KCNQ1: variants seen among roughly 807,000 people sequenced by gnomAD.
KCNQ1 encodes potassium voltage-gated channel subfamily KQT member 1.
KCNQ1 carries 49 observed loss-of-function variants against 72.4 expected under a neutral mutation model. The ratio of observed to expected loss-of-function variants is 0.68; its 90% CI spans 0.54 to 0.86. The LOEUF is 0.86. Among genes scored for constraint, KCNQ1 ranks in the 40% least tolerant of loss-of-function variants. KCNQ1 has a pLI of 0.00. For missense variants in KCNQ1, 790 were observed against 945.1 expected, an observed-to-expected ratio of 0.84 and a Z score of 2.15; for synonymous variants, 450 against 412.6, an observed-to-expected ratio of 1.09 and a Z score of -1.10.
In KCNQ1 at chr11:2,781,486, G is replaced by A. The variant is rs879068764; in HGVS notation, c.1794+3449G>A. On this transcript the variant is annotated intron_variant, in intron 15 of 15. Coordinates refer to ENST00000155840, the MANE Select transcript of KCNQ1 (RefSeq NM_000218.3). The surrounding 1 kb of genome is among the most constrained non-coding windows in gnomAD (Gnocchi z 6.6). ...GGGCCAGGGACCAATGCAGGCGGTC[G>A]GGAGAGGTCCGGAGAGAGCTGGCCC... is the stretch of plus-strand genomic sequence containing the variant. Among the ~76,000 whole-genome samples, 1 of 152,210 alleles carries A rather than the reference G, an allele frequency of 6.6e-6. No individual in the cohort carries two copies. Among genetic ancestry groups the A allele is most frequent in the South Asian group, 2.1e-4 (1 of 4,834 alleles).
Position 2,478,032 on chromosome 11 carries a change from C to T in KCNQ1, c.386+32548C>T, listed in dbSNP as rs553090599. On this transcript the variant is annotated intron_variant, in intron 1 of 15. Transcript: ENST00000155840. This position sits in a 1 kb window ranked among gnomAD's most constrained non-coding sequence, Gnocchi z 4.0. ...CTTTCTAGAGGCAAAGCTGGCGACA[C>T]CACCCGAGCCAAGTGATCCAAGTTA... is the stretch of plus-strand genomic sequence containing the variant. Among the ~76,000 whole-genome samples the T allele has an allele frequency of 3.3e-5, 5 of 152,294 alleles. No individual in the cohort carries two copies. Among genetic ancestry groups the T allele is most frequent in the African/African-American group, 9.6e-5 (4 of 41,558 alleles).
chr11:2,616,599 T>A (rs1054800045), intron 10 of KCNQ1: 1 of 398,182 alleles, frequency 2.5e-6, no homozygotes, highest in Non-Finnish European at 4.4e-6. Flanking sequence ...CATTTTCACT[T>A]TTTGAAAGTA....
At chr11:2,821,136 G>C (rs1474326297) in intron 15 of KCNQ1, among the ~76,000 whole-genome samples, 1 of 152,218 alleles carries the variant, frequency 6.6e-6, no homozygotes, top group East Asian at 1.9e-4. Flanking sequence ...GGGTGGGGTG[G>C]GTCTGTCAAG....
In KCNQ1 at chr11:2,563,156, C is replaced by G. The variant is rs1848198568; in HGVS notation, c.478-7472C>G. ...AGGGTCCTAAATTATGTGGTTCCAG[C>G]AGCATGGAACTTCAAAACACATTGA... is the stretch of plus-strand genomic sequence containing the variant. On this transcript the variant is annotated intron_variant, in intron 2 of 15. Coordinates refer to ENST00000155840, the MANE Select transcript of KCNQ1 (RefSeq NM_000218.3). The surrounding 1 kb of genome is among the most constrained non-coding windows in gnomAD (Gnocchi z 7.4). Among the ~76,000 whole-genome samples the G allele has an allele frequency of 6.6e-6, 1 of 152,174 alleles. No individual in the cohort carries two copies. The highest frequency in any genetic ancestry group is 1.5e-5 in the Non-Finnish European group (1 of 68,038).
At chr11:2,461,748 G>T (rs879658377) in intron 1 of KCNQ1, 2 of 1,363,200 alleles carry the variant, frequency 1.5e-6, no homozygotes, top group Non-Finnish European at 2.0e-6. Context: ...ATAGGCAGAG[G>T]AAGGGATGGG....
rs867168521 is a variant in KCNQ1 at position 2,669,158 on chromosome 11, T to C, written c.1514+7077T>C. On this transcript the variant is annotated intron_variant, in intron 11 of 15. Transcript: ENST00000155840. This position sits in a 1 kb window ranked among gnomAD's most constrained non-coding sequence, Gnocchi z 5.6. The stretch of plus-strand genomic sequence containing the variant: ...TTGGGTGCCACTGGTCAGATTCAAG[T>C]TGTTCTTTGTGGCCAGGACCTTGCT... The C allele has an allele frequency of 9.0e-5, 36 of 398,670 alleles. No homozygotes were observed. In the Middle Eastern group the frequency reaches 1.9e-3, roughly 21 times the overall value. 24.7% of individuals were successfully genotyped at this position (398,670 alleles called of 1,614,324 possible).
chr11:2,499,699 A>G (rs948822320), intron 1 of KCNQ1, among the ~76,000 whole-genome samples: 3 of 152,218 alleles, frequency 2.0e-5, no homozygotes, highest in African/African-American at 7.2e-5. Context: ...GTTCAAGATA[A>G]TAACTATAAG....
rs1431403179 is a variant in KCNQ1 at position 2,515,175 on chromosome 11, C to T, written c.387-12753C>T. Among the ~76,000 whole-genome samples, 7 of 152,186 alleles carry T rather than the reference C, an allele frequency of 4.6e-5. No homozygotes were observed. Among genetic ancestry groups the T allele is most frequent in the Non-Finnish European group, 8.8e-5 (6 of 68,030 alleles). On this transcript the variant is annotated intron_variant, in intron 1 of 15. Transcript: ENST00000155840. This position sits in a 1 kb window ranked among gnomAD's most constrained non-coding sequence, Gnocchi z 4.7. ...TAATTTTTCAACCCTCCCCCTCTCA[C>T]CCTCTCCACCTCCCCTTTGGAGTCC...
intron 11 of KCNQ1, among the ~76,000 whole-genome samples, chr11:2,760,284 C>T (rs1846370330): frequency 1.3e-5 from 2 of 151,532 alleles, no homozygotes; most frequent in Non-Finnish European, 2.9e-5. Context: ...GGCAGGCGGG[C>T]AGGCGGGCGT....
rs1434083287 is a variant in KCNQ1 at position 2,682,577 on chromosome 11, G to A, written c.1514+20496G>A. 1.5e-5 allele frequency: 6 copies of A among 398,448 alleles called. No homozygotes were observed. Among genetic ancestry groups the A allele is most frequent in the Non-Finnish European group, 2.2e-5 (5 of 226,078 alleles). 24.7% of individuals were successfully genotyped at this position (398,448 alleles called of 1,614,324 possible). A position where few individuals can be genotyped will look rare whatever the true frequency, so the allele number is the denominator to read the frequency against. ...TCCATAAGGCTATGCTGGGGTTCAG[G>A]CAACCCAAGGCTGGTCTGGAGAGTG... On this transcript the variant is annotated intron_variant, in intron 11 of 15. Transcript: ENST00000155840. This position sits in a 1 kb window ranked among gnomAD's most constrained non-coding sequence, Gnocchi z 5.8.
chr11:2,476,790 G>A (rs959676712), intron 1 of KCNQ1, among the ~76,000 whole-genome samples: 5 of 152,100 alleles, frequency 3.3e-5, no homozygotes, highest in Admixed American at 6.6e-5. Context: ...GGGTTCAAGC[G>A]CTCCTCCCCC....
chr11:2,777,920 G>T (rs980737220), intron 14 of KCNQ1, 56 bp from the exon 15 acceptor site: 1 of 1,553,244 alleles, frequency 6.4e-7, no homozygotes, highest in African/African-American at 1.4e-5. Context: ...AGCCCAGCTG[G>T]GGTCCCCGGC....
chr11:2,665,078 G>A (rs145355801), intron 11 of KCNQ1: 6 of 398,468 alleles, frequency 1.5e-5, no homozygotes, highest in Admixed American at 4.4e-5. Context: ...GCTGAGGCAC[G>A]GGGTACCCAG....
At chr11:2,625,240 G>C (rs1001278029) in intron 10 of KCNQ1, 4 of 398,478 alleles carry the variant, frequency 1.0e-5, no homozygotes, top group Non-Finnish European at 1.8e-5. Context: ...TCCAGCAGTG[G>C]TTATTTTCTG....
rs1378723999 is a variant in KCNQ1 at position 2,544,068 on chromosome 11, T to C, written c.477+16050T>C. Among the ~76,000 whole-genome samples the C allele has an allele frequency of 6.6e-6, 1 of 152,102 alleles. No individual in the cohort carries two copies. Among genetic ancestry groups the C allele is most frequent in the Non-Finnish European group, 1.5e-5 (1 of 68,022 alleles). Reference sequence around the variant, plus strand: ...TTCAAGTTGTGTTGGTTGTTCGGGGTCCTTTGCATTTACATATAAATTTTG... The same window carrying C: ...TTCAAGTTGTGTTGGTTGTTCGGGGCCCTTTGCATTTACATATAAATTTTG... On this transcript the variant is annotated intron_variant, in intron 2 of 15. Transcript: ENST00000155840. The surrounding 1 kb of genome is among the most constrained non-coding windows in gnomAD (Gnocchi z 4.4).
chr11:2,525,336 G>A (rs1422797490), intron 1 of KCNQ1, among the ~76,000 whole-genome samples: 1 of 152,236 alleles, frequency 6.6e-6, no homozygotes, highest in Non-Finnish European at 1.5e-5. Context: ...CCCTACGGAG[G>A]GCTCCCCACA....
At position 2,541,646 on chromosome 11, in the gene KCNQ1, C is replaced by T. The variant is rs1847825501; in HGVS notation, c.477+13628C>T. Among the ~76,000 whole-genome samples, 2 of 151,776 alleles carry T rather than the reference C, an allele frequency of 1.3e-5. No individual in the cohort carries two copies. The highest frequency in any genetic ancestry group is 4.8e-5 in the African/African-American group (2 of 41,300). On this transcript the variant is annotated intron_variant, in intron 2 of 15. Transcript: ENST00000155840. The surrounding 1 kb of genome is among the most constrained non-coding windows in gnomAD (Gnocchi z 4.8). Reference sequence around the variant, plus strand: ...CACCGTTAGGATACTCTGAACGTTCCCAGAAAGCCCCCTTCTGCTCAAGTT... The same window carrying T: ...CACCGTTAGGATACTCTGAACGTTCTCAGAAAGCCCCCTTCTGCTCAAGTT...
intron 11 of KCNQ1, chr11:2,692,921 A>G (rs768277446): frequency 1.0e-5 from 4 of 398,528 alleles, no homozygotes; most frequent in Non-Finnish European, 1.8e-5. Context: ...AGCATGGCCT[A>G]TGTCCCAAGC....
Position 2,663,372 on chromosome 11 carries a change from G to A in KCNQ1, c.1514+1291G>A. On this transcript the variant is annotated intron_variant, in intron 11 of 15. Transcript: ENST00000155840. The surrounding 1 kb of genome is among the most constrained non-coding windows in gnomAD (Gnocchi z 5.2). ...AGCCAGATGGGCTGCCCAGGTACAGGTCAGCACCAGAAGGCAGAATGATGG... is the reference window on the plus strand; with the variant it reads ...AGCCAGATGGGCTGCCCAGGTACAGATCAGCACCAGAAGGCAGAATGATGG... 2.5e-6 allele frequency: 1 copy of A among 398,772 alleles called. No individual in the cohort carries two copies. The highest frequency in any genetic ancestry group is 4.4e-6 in the Non-Finnish European group (1 of 226,178). The allele number at this position is 398,772 out of a possible 1,614,324, so 24.7% of individuals were successfully genotyped here.
Sources: allele counts gnomAD v4.1 joint callset (sites outside exome capture counted in the v4.1 genomes callset), GRCh38; gene constraint gnomAD v4.1.1; non-coding constraint Gnocchi (gnomAD v3.1); transcripts MANE v1.5; gene names NCBI Gene and HGNC (gene_info 2026-07-23, HGNC 2026-07-21).